The following CLIP1 variants were observed in gnomAD, a reference collection of about 807,000 sequenced individuals.
CLIP1 encodes the protein CAP-Gly domain containing linker protein 1.
In CLIP1, 66 loss-of-function variants were observed where a neutral mutation model predicts 161.6. The observed-to-expected ratio is 0.41, with a 90% CI of 0.33 to 0.50. The LOEUF (loss-of-function observed/expected upper bound fraction) is 0.50. CLIP1 is among the 20% of genes least tolerant of loss of function. CLIP1 has a pLI of 0.27. For missense variants in CLIP1, 1,376 were observed against 1,702.0 expected (o/e 0.81, Z 3.37); for synonymous variants, 598 against 626.2 (o/e 0.96, Z 0.67).
At chr12:122,419,799 C>T (rs367896607) in intron 1 of CLIP1, among the ~76,000 whole-genome samples, 90 of 151,158 alleles carry the variant, frequency 6.0e-4, no homozygotes, top group African/African-American at 1.7e-3. Context: ...AGCCCGGTGC[C>T]GTGGTGTGTG....
chr12:122,327,097 T>C (rs562555539), intron 17 of CLIP1, among the ~76,000 whole-genome samples: 168 of 152,228 alleles, frequency 1.1e-3, no homozygotes, highest in African/African-American at 3.8e-3. Flanking sequence ...CTTTGAGCAA[T>C]AGAAGGTTAA....
intron 4 of CLIP1, 145 bp from the exon 5 acceptor site, chr12:122,361,326 G>A (rs182151616): frequency 1.1e-4 from 70 of 652,474 alleles, no homozygotes; most frequent in African/African-American, 6.9e-4. Context: ...CCAGCACGTA[G>A]CAGTCACATG....
chr12:122,366,321 G>A (rs1954168323), intron 3 of CLIP1, among the ~76,000 whole-genome samples: 2 of 131,118 alleles, frequency 1.5e-5, no homozygotes, highest in Admixed American at 7.4e-5. Flanking sequence ...AAAAAAAAAA[G>A]TACTTCAAAA....
At chr12:122,365,780 G>GA (rs1593174226) in intron 3 of CLIP1, 1 of 591,060 alleles carries the variant, frequency 1.7e-6, no homozygotes, top group East Asian at 2.8e-5. Flanking sequence ...GGCCCAGGCA[G>GA]GAGAACTGCT....
At chr12:122,344,601 T>C (rs1005553639) in intron 10 of CLIP1, among the ~76,000 whole-genome samples, 1 of 152,238 alleles carries the variant, frequency 6.6e-6, no homozygotes, top group East Asian at 1.9e-4. Flanking sequence ...CCAATGTGAT[T>C]TTACTTTCCG....
At chr12:122,277,070 C>T (rs2136209453) in intron 24 of CLIP1, 1 of 153,604 alleles carries the variant, frequency 6.5e-6, no homozygotes, top group South Asian at 2.0e-4. Context: ...AGTGATCCTC[C>T]TGCCTCAGCT....
rs1313393288 is a variant in CLIP1 at position 122,273,083 on chromosome 12, T to C, written c.4109A>G (p.Gln1370Arg). ...GAAGAGGCGAGGTTTCTTCTTGGAC[T>C]GTTTCTCCTGATCATCACTACAAAT... ...NNYDSDDQEK[Q>R]SKKKPRLFCD... The change falls in exon 26 of 26, where the codon CAG (glutamine) becomes CGG (arginine). Residue 1370 changes from glutamine to arginine, a missense_variant. Transcript: ENST00000620786. The C allele has an allele frequency of 6.2e-7, 1 of 1,614,016 alleles. No individual in the cohort carries two copies. The highest frequency in any genetic ancestry group is 1.3e-5 in the African/African-American group (1 of 75,060).
chr12:122,340,705 C>T, intron 11 of CLIP1, 48 bp downstream of exon 11: 1 of 1,441,476 alleles, frequency 6.9e-7, no homozygotes, highest in African/African-American at 1.4e-5. Context: ...TAATGCAAAA[C>T]AAGAATAACA....
At chr12:122,313,851 T>C (rs1406594373) in intron 19 of CLIP1, among the ~76,000 whole-genome samples, 4 of 152,114 alleles carry the variant, frequency 2.6e-5, no homozygotes, top group Non-Finnish European at 4.4e-5. Context: ...ATACTAGTAA[T>C]GACCGCAACA....
At chr12:122,375,167 A>G (rs1169276114) in intron 3 of CLIP1, among the ~76,000 whole-genome samples, 3 of 152,126 alleles carry the variant, frequency 2.0e-5, no homozygotes, top group Non-Finnish European at 4.4e-5. Context: ...CCCTCTTTAA[A>G]AAAAAAATCA....
chr12:122,285,971 G>A (rs887480315), intron 21 of CLIP1, among the ~76,000 whole-genome samples: 1 of 151,848 alleles, frequency 6.6e-6, no homozygotes, highest in Non-Finnish European at 1.5e-5. Context: ...GGCAAACTAG[G>A]CATCACTTTT....
chr12:122,288,784 C>T (rs1379804421), intron 20 of CLIP1, among the ~76,000 whole-genome samples: 1 of 151,028 alleles, frequency 6.6e-6, no homozygotes, highest in Non-Finnish European at 1.5e-5. Flanking sequence ...TAAACAATCA[C>T]ACCTTGAACA....
chr12:122,324,519 A>G (rs1951636059), intron 17 of CLIP1, among the ~76,000 whole-genome samples: 1 of 152,232 alleles, frequency 6.6e-6, no homozygotes, highest in African/African-American at 2.4e-5. Flanking sequence ...CTATCTGAAT[A>G]ACAAGGGAAA....
chr12:122,293,472 G>T (rs547595735), intron 20 of CLIP1, among the ~76,000 whole-genome samples: 1 of 149,460 alleles, frequency 6.7e-6, no homozygotes, highest in Non-Finnish European at 1.5e-5. Flanking sequence ...AATGGTTTGA[G>T]AATTTCTTTT....
At chr12:122,310,252 C>A (rs1201783243) in intron 19 of CLIP1, among the ~76,000 whole-genome samples, 1 of 152,164 alleles carries the variant, frequency 6.6e-6, no homozygotes, top group African/African-American at 2.4e-5. Flanking sequence ...AAACCCACTT[C>A]GTTGATAAAG....
intron 1 of CLIP1, among the ~76,000 whole-genome samples, chr12:122,398,501 G>A (rs140726441): frequency 4.0e-4 from 61 of 151,760 alleles, no homozygotes; most frequent in Non-Finnish European, 7.4e-4. Context: ...GCATTATAAT[G>A]TGAATAATTA....
At chr12:122,349,901 TTG>T (rs1491116365) in intron 9 of CLIP1, among the ~76,000 whole-genome samples, 2 of 73,264 alleles carry the variant, frequency 2.7e-5, no homozygotes, top group African/African-American at 8.0e-5. Context: ...TTTGTTTTTT[TTG>T]TTTTTTTTGT....
chr12:122,278,541 A>G lies in CLIP1; in HGVS notation c.3916+251T>C, dbSNP rs1566068900. ...CTCCTGCACTGTTATGTACTTTAAG[A>G]CCCCCCAGTCTGGATGGCAGCAGGC... On this transcript the variant is annotated intron_variant, in intron 23 of 25. Coordinates refer to ENST00000620786, the MANE Select transcript of CLIP1 (RefSeq NM_001247997.2). The G allele has an allele frequency of 3.5e-5, 18 of 515,526 alleles. No individual in the cohort carries two copies. The South Asian group carries it at 6.1e-4, about 17-fold the overall frequency. 31.9% of individuals were successfully genotyped at this position (515,526 alleles called of 1,614,324 possible). A position where few individuals can be genotyped will look rare whatever the true frequency, so the allele number is the denominator to read the frequency against.
chr12:122,414,295 G>A (rs1956648581), intron 1 of CLIP1, among the ~76,000 whole-genome samples: 1 of 150,634 alleles, frequency 6.6e-6, no homozygotes, highest in South Asian at 2.1e-4. Flanking sequence ...CTACAGGCAT[G>A]TATCATCATA....
Sources: allele counts gnomAD v4.1 joint callset (sites outside exome capture counted in the v4.1 genomes callset), GRCh38; gene constraint gnomAD v4.1.1; transcripts MANE v1.5; gene names NCBI Gene and HGNC (gene_info 2026-07-23, HGNC 2026-07-21).